KCND2: variants seen among roughly 807,000 people sequenced by gnomAD.
KCND2 encodes the protein potassium voltage-gated channel subfamily D member 2.
Under a neutral mutation model 54.4 loss-of-function variants are expected in KCND2, and 16 were observed. The observed-to-expected ratio is 0.29, with a 90% CI of 0.20 to 0.45. The LOEUF is 0.45. KCND2 is among the 20% of genes least tolerant of loss of function. The probability of loss-of-function intolerance (pLI) is 1.00; values close to 1 mark genes in which losing one functional copy is unlikely to be tolerated. For synonymous variants in KCND2, 317 were observed against 310.7 expected (o/e 1.02, Z -0.21); for missense variants, 486 against 824.2 (o/e 0.59, Z 5.02).
intron 1 of KCND2, among the ~76,000 whole-genome samples, chr7:120,675,855 C>CTTTTTTTTTTTTT (rs58226731): frequency 8.2e-6 from 1 of 121,550 alleles, no homozygotes; most frequent in Non-Finnish European, 1.7e-5. Flanking sequence ...TCTTTCTATT[C>CTTTTTTTTTTTTT]TTTTTTTTTT....
intron 1 of KCND2, among the ~76,000 whole-genome samples, chr7:120,679,717 T>C (rs1461798779): frequency 6.6e-6 from 1 of 152,110 alleles, no homozygotes. Context: ...GAGTCCAAGT[T>C]CCACATTCTT....
chr7:120,506,042 T>C (rs1315208260), intron 1 of KCND2, among the ~76,000 whole-genome samples: 3 of 149,628 alleles, frequency 2.0e-5, no homozygotes, highest in Non-Finnish European at 1.5e-5. Context: ...TTAAACTGTT[T>C]GTTAATTTTA....
At chr7:120,608,114 A>G (rs1217106415) in intron 1 of KCND2, among the ~76,000 whole-genome samples, 2 of 152,014 alleles carry the variant, frequency 1.3e-5, no homozygotes, top group Admixed American at 6.6e-5. Flanking sequence ...TAAATATTTG[A>G]GAGATTTAAA....
Position 120,728,118 on chromosome 7 carries a change from G to A in KCND2, c.1116-4785G>A, listed in dbSNP as rs1358196507. Among the ~76,000 whole-genome samples, 4 of 142,906 alleles carry A rather than the reference G, an allele frequency of 2.8e-5. No homozygotes were observed. The East Asian group carries it at 8.2e-4, about 29-fold the overall frequency. The allele number at this position is 142,906 out of a possible 152,430, so 93.8% of individuals were successfully genotyped here. A position where few individuals can be genotyped will look rare whatever the true frequency, so the allele number is the denominator to read the frequency against. ...CACTGCACTCCAGCCTGGCAACAGA[G>A]GGAGATTCCGTCTCAAAAAAAAAAA... On this transcript the variant is annotated intron_variant, in intron 1 of 5. Coordinates refer to ENST00000331113, the MANE Select transcript of KCND2 (RefSeq NM_012281.3).
At chr7:120,503,731 C>T (rs898291448) in intron 1 of KCND2, among the ~76,000 whole-genome samples, 4 of 151,926 alleles carry the variant, frequency 2.6e-5, no homozygotes, top group African/African-American at 9.7e-5. Flanking sequence ...TAAAAAGATT[C>T]TAGATGTTCA....
intron 1 of KCND2, among the ~76,000 whole-genome samples, chr7:120,424,083 C>T (rs984092660): frequency 6.6e-6 from 1 of 152,180 alleles, no homozygotes; most frequent in African/African-American, 2.4e-5. Flanking sequence ...TCTCTAAATC[C>T]TGGCTATCAC....
intron 1 of KCND2, among the ~76,000 whole-genome samples, chr7:120,694,507 C>T (rs1792309931): frequency 6.6e-6 from 1 of 152,094 alleles, no homozygotes; most frequent in Non-Finnish European, 1.5e-5. Flanking sequence ...CGAGCCTGGC[C>T]ATGTATAATG....
intron 2 of KCND2, among the ~76,000 whole-genome samples, chr7:120,737,930 C>T (rs188844671): frequency 3.0e-4 from 46 of 152,014 alleles, no homozygotes; most frequent in Admixed American, 2.4e-3. Context: ...TTCCTTTAAT[C>T]TACCTCATAC....
intron 1 of KCND2, among the ~76,000 whole-genome samples, chr7:120,661,707 A>G (rs1255652493): frequency 6.6e-6 from 1 of 151,870 alleles, no homozygotes; most frequent in Non-Finnish European, 1.5e-5. Context: ...TCAGGTTTTC[A>G]GTGAATGGCA....
At chr7:120,646,895 A>G (rs1191221823) in intron 1 of KCND2, among the ~76,000 whole-genome samples, 3 of 152,160 alleles carry the variant, frequency 2.0e-5, no homozygotes, top group Non-Finnish European at 4.4e-5. Flanking sequence ...GTTTACTCAG[A>G]TATGTTTGAA....
intron 1 of KCND2, among the ~76,000 whole-genome samples, chr7:120,326,768 G>A (rs1318598453): frequency 2.0e-5 from 3 of 148,096 alleles, no homozygotes; most frequent in Non-Finnish European, 4.4e-5. Flanking sequence ...TAAACTGCAG[G>A]AAAGCAGCAA....
intron 1 of KCND2, among the ~76,000 whole-genome samples, chr7:120,706,214 C>A (rs1792466719): frequency 6.6e-6 from 1 of 152,134 alleles, no homozygotes; most frequent in South Asian, 2.1e-4. Context: ...GGGTTGGATA[C>A]AGCTTTTGTG....
chr7:120,411,531 G>C (rs1801448469), intron 1 of KCND2, among the ~76,000 whole-genome samples: 1 of 151,640 alleles, frequency 6.6e-6, no homozygotes, highest in Non-Finnish European at 1.5e-5. Flanking sequence ...ATGAGAGCCT[G>C]ATATCAGGGC....
At chr7:120,520,837 T>C (rs1233087194) in intron 1 of KCND2, among the ~76,000 whole-genome samples, 1 of 152,128 alleles carries the variant, frequency 6.6e-6, no homozygotes, top group East Asian at 1.9e-4. Flanking sequence ...TTAGTTTCTT[T>C]AGACCTGATG....
intron 1 of KCND2, among the ~76,000 whole-genome samples, chr7:120,633,968 T>A (rs929647405): frequency 6.6e-6 from 1 of 152,288 alleles, no homozygotes; most frequent in South Asian, 2.1e-4. Flanking sequence ...TCTTTGAGTA[T>A]AATGGAAAAC....
At chr7:120,474,934 G>A (rs543937222) in intron 1 of KCND2, among the ~76,000 whole-genome samples, 3 of 152,026 alleles carry the variant, frequency 2.0e-5, no homozygotes, top group Admixed American at 6.6e-5. Context: ...CCGAACTCCT[G>A]GGCTCAAGCA....
At chr7:120,351,817 T>C (rs1041785923) in intron 1 of KCND2, among the ~76,000 whole-genome samples, 18 of 151,916 alleles carry the variant, frequency 1.2e-4, no homozygotes, top group Non-Finnish European at 2.1e-4. Flanking sequence ...TTTCTTTCTT[T>C]TTTTTTCTTT....
At chr7:120,648,164 G>A (rs984855470) in intron 1 of KCND2, among the ~76,000 whole-genome samples, 5 of 152,028 alleles carry the variant, frequency 3.3e-5, no homozygotes, top group African/African-American at 1.2e-4. Flanking sequence ...TCCCCACGGA[G>A]AGAGATGGAA....
intron 1 of KCND2, among the ~76,000 whole-genome samples, chr7:120,578,898 A>G (rs1792474888): frequency 6.7e-6 from 1 of 149,484 alleles, no homozygotes; most frequent in Non-Finnish European, 1.5e-5. Flanking sequence ...AACCTGGGTG[A>G]CAGAGCAAGA....
Sources: gnomAD v4.1 joint callset for allele counts (sites outside exome capture counted in the v4.1 genomes callset) on GRCh38, gnomAD v4.1.1 for gene constraint, MANE v1.5 for transcripts, NCBI Gene and HGNC (gene_info 2026-07-23, HGNC 2026-07-21) for gene names.